The following TRMT6 variants were observed in gnomAD, a reference collection of about 807,000 sequenced individuals.
TRMT6 encodes tRNA (adenine(58)-N(1))-methyltransferase non-catalytic subunit TRM6.
In TRMT6, 34 loss-of-function variants were observed where a neutral mutation model predicts 59.0. The observed-to-expected ratio is 0.58, with a 90% confidence interval of 0.44 to 0.77. TRMT6 has a LOEUF of 0.77. TRMT6 is among the 30% of genes least tolerant of loss of function. The pLI is 0.00. For synonymous variants in TRMT6, 217 were observed against 210.5 expected, an observed-to-expected ratio of 1.03 and a Z score of -0.27; for missense variants, 575 against 604.5, an observed-to-expected ratio of 0.95 and a Z score of 0.51.
chr20:5,942,171 G>A (rs561564398), intron 7 of TRMT6, 135 bp from the exon 8 acceptor site: 8 of 850,986 alleles, frequency 9.4e-6, no homozygotes, highest in Non-Finnish European at 1.5e-5. Context: ...TGTTTATAAG[G>A]AAGTTGCAAA....
chr20:5,950,340 G>A lies in TRMT6; in HGVS notation c.66C>T (p.Asp22=). 6.2e-7 allele frequency: 1 copy of A among 1,613,158 alleles called. No homozygotes were observed. Among genetic ancestry groups the A allele is most frequent in the Non-Finnish European group, 8.5e-7 (1 of 1,179,964 alleles). ...PQHPGDHRIR[D]GDFVVLKRED... is the part of the protein sequence containing the mutation. ...CACGTTTCAGCACCACGAAGTCGCCGTCGCGGATGCGGTGGTCTCCGGGAT... is the reference window on the plus strand; with the variant it reads ...CACGTTTCAGCACCACGAAGTCGCCATCGCGGATGCGGTGGTCTCCGGGAT... The change falls in exon 1 of 11, where the codon GAC becomes GAT. Residue 22 remains aspartate (D), a synonymous_variant. Coordinates refer to ENST00000203001, the MANE Select transcript of TRMT6 (RefSeq NM_015939.5).
In TRMT6 at chr20:5,946,434, G is replaced by A. The variant is rs778165732; in HGVS notation, c.228C>T (p.Pro76=). 1 of 1,613,934 alleles carries A rather than the reference G, an allele frequency of 6.2e-7. No homozygotes were observed. The highest frequency in any genetic ancestry group is 1.1e-5 in the South Asian group (1 of 91,076). ...CAGTAGGCTCTTCCCTCTTCTTCTT[G>A]GGCTGTAGACTTCCTCCACTGGTCA... ...FEVTSGGSLQ[P]KKKREEPTAE... is the part of the protein sequence containing the mutation. Residue 76 remains proline, a synonymous_variant, in exon 2 of 11, where the codon CCC becomes CCT. Transcript: ENST00000203001.
intron 1 of TRMT6, among the ~76,000 whole-genome samples, chr20:5,947,918 G>GT (rs2088721605): frequency 1.3e-5 from 2 of 152,062 alleles, no homozygotes; most frequent in African/African-American, 2.4e-5. Context: ...AGGTGTAGTG[G>GT]CACACACCTG....
Position 5,943,690 on chromosome 20 carries a change from TA to T in TRMT6, c.543-8del. The T allele has an allele frequency of 6.2e-7, 1 of 1,609,294 alleles. No individual in the cohort carries two copies. The highest frequency in any genetic ancestry group is 8.5e-7 in the Non-Finnish European group (1 of 1,178,520). Reference sequence around the variant, plus strand: ...TGTATCGTATCTCATGTGGCTAAAGTAAAAACAATAATTTGTTCATTTTTAG... The same window carrying T: ...TGTATCGTATCTCATGTGGCTAAAGTAAAACAATAATTTGTTCATTTTTAG... On this transcript the variant is annotated splice_polypyrimidine_tract_variant and splice_region_variant and intron_variant, in intron 5 of 10. Coordinates refer to ENST00000203001, the MANE Select transcript of TRMT6 (RefSeq NM_015939.5).
chr20:5,947,334 C>T (rs1420386619), intron 1 of TRMT6, among the ~76,000 whole-genome samples: 3 of 152,222 alleles, frequency 2.0e-5, no homozygotes, highest in Non-Finnish European at 4.4e-5. Flanking sequence ...ACACTGAATT[C>T]TGGGAATCAT....
chr20:5,945,130 CCA>C (rs987974578), intron 2 of TRMT6, among the ~76,000 whole-genome samples: 4 of 152,198 alleles, frequency 2.6e-5, no homozygotes, highest in Non-Finnish European at 5.9e-5. Flanking sequence ...CACCTGGATG[CCA>C]GAGTGCTCTT....
At position 5,944,150 on chromosome 20, in the gene TRMT6, A is replaced by C; in HGVS notation, c.458+12T>G. 1 of 1,451,318 alleles carries C rather than the reference A, an allele frequency of 6.9e-7. No individual in the cohort carries two copies. The highest frequency in any genetic ancestry group is 9.3e-7 in the Non-Finnish European group (1 of 1,075,812). 89.9% of individuals were successfully genotyped at this position (1,451,318 alleles called of 1,614,324 possible). A position where few individuals can be genotyped will look rare whatever the true frequency, so the allele number is the denominator to read the frequency against. ...TTAATATTGTGGGCCTTTTAAAATAAAAACTACTTACTTTTTTTTCTTCTT... is the reference window on the plus strand; with the variant it reads ...TTAATATTGTGGGCCTTTTAAAATACAAACTACTTACTTTTTTTTCTTCTT... On this transcript the variant is annotated intron_variant, in intron 4 of 10. Coordinates refer to ENST00000203001, the MANE Select transcript of TRMT6 (RefSeq NM_015939.5).
rs1371114611 is a variant in TRMT6 at position 5,949,939 on chromosome 20, G to A, written c.128+339C>T. Among the ~76,000 whole-genome samples, 8 of 152,210 alleles carry A rather than the reference G, an allele frequency of 5.3e-5. No individual in the cohort carries two copies. In the East Asian group the frequency reaches 1.5e-3, roughly 29 times the overall value. On this transcript the variant is annotated intron_variant, in intron 1 of 10. Coordinates refer to ENST00000203001, the MANE Select transcript of TRMT6 (RefSeq NM_015939.5). Reference sequence around the variant, plus strand: ...AGGACAGGTGATTAGGGTGTGGAGAGGGAGGCATTGGCACCCTAGGGCCAA... The same window carrying A: ...AGGACAGGTGATTAGGGTGTGGAGAAGGAGGCATTGGCACCCTAGGGCCAA...
rs545528422 is a variant in TRMT6, at chr20:5,945,372, T to C, written c.257-458A>G. Among the ~76,000 whole-genome samples the C allele has an allele frequency of 2.6e-5, 4 of 152,348 alleles. No individual in the cohort carries two copies. The East Asian group carries it at 5.8e-4, about 22-fold the overall frequency. On this transcript the variant is annotated intron_variant, in intron 2 of 10. Coordinates refer to ENST00000203001, the MANE Select transcript of TRMT6 (RefSeq NM_015939.5). ...ACAGCAGGCTTTTGGCACCTGCTGC[T>C]TCCTCTGCCTGGAAGGTTCTACGAC...
rs372841400 is a variant in TRMT6 at position 5,950,265 on chromosome 20, C to T, written c.128+13G>A. On this transcript the variant is annotated intron_variant, in intron 1 of 10. Coordinates refer to ENST00000203001, the MANE Select transcript of TRMT6 (RefSeq NM_015939.5). ...GGGGGCGGGAGACCCCTAAAATCAG[C>T]GATCTGACTTACTTTCTCCGCTGGA... 3 of 1,593,090 alleles carry T rather than the reference C, an allele frequency of 1.9e-6. No individual in the cohort carries two copies. The highest frequency in any genetic ancestry group is 2.6e-6 in the Non-Finnish European group (3 of 1,165,358).
At chr20:5,946,300 T>C in intron 2 of TRMT6, 106 bp downstream of exon 2, 1 of 1,400,436 alleles carries the variant, frequency 7.1e-7, no homozygotes, top group Non-Finnish European at 9.9e-7. Context: ...TGAGTTAAGA[T>C]TTCTTTTGGG....
Position 5,938,855 on chromosome 20 carries a change from CTTTCT to C in TRMT6, c.1303-134_1303-130del, listed in dbSNP as rs1008121887. The C allele has an allele frequency of 3.2e-4, 257 of 804,230 alleles. 3 individuals carry two copies. The South Asian group carries it at 5.2e-3, about 16-fold the overall frequency. 49.8% of individuals were successfully genotyped at this position (804,230 alleles called of 1,614,324 possible). A position where few individuals can be genotyped will look rare whatever the true frequency, so the allele number is the denominator to read the frequency against. Reference sequence around the variant, plus strand: ...ATGATTTAAATGGACATTTTTTTTTCTTTCTTTTCTTTTCCCTCCCTCCCTCCCTC... The same window carrying C: ...ATGATTTAAATGGACATTTTTTTTTCTTTCTTTTCCCTCCCTCCCTCCCTC... On this transcript the variant is annotated intron_variant, in intron 10 of 10. Transcript: ENST00000203001.
chr20:5,949,618 A>G (rs1402646646), intron 1 of TRMT6, among the ~76,000 whole-genome samples: 1 of 152,230 alleles, frequency 6.6e-6, no homozygotes, highest in Non-Finnish European at 1.5e-5. Flanking sequence ...TTTGGTGAGT[A>G]AAACGAGGGA....
chr20:5,942,372 G>A (rs1276969816), intron 7 of TRMT6, 56 bp downstream of exon 7: 12 of 1,456,002 alleles, frequency 8.2e-6, no homozygotes, highest in Non-Finnish European at 1.1e-5. Flanking sequence ...TGACTTAACT[G>A]AAGTTAACTG....
chr20:5,944,607 A>G (rs2088688841), intron 3 of TRMT6, among the ~76,000 whole-genome samples, 198 bp downstream of exon 3: 1 of 152,244 alleles, frequency 6.6e-6, no homozygotes, highest in Non-Finnish European at 1.5e-5. Flanking sequence ...TGACATTAGT[A>G]ATGTCATTCA....
At chr20:5,939,849 A>C (rs1255228502) in intron 10 of TRMT6, among the ~76,000 whole-genome samples, 1 of 152,170 alleles carries the variant, frequency 6.6e-6, no homozygotes, top group Non-Finnish European at 1.5e-5. Context: ...CAGTATGGTA[A>C]GACACCAAGC....
At position 5,943,636 on chromosome 20, in the gene TRMT6, A is replaced by G. The variant is rs762857318; in HGVS notation, c.590T>C (p.Ile197Thr). 1.1e-5 allele frequency: 18 copies of G among 1,614,212 alleles called. No individual in the cohort carries two copies. The highest frequency in any genetic ancestry group is 1.6e-4 in the Middle Eastern group (1 of 6,062). Reference protein sequence around the residue: ...TLAQMLTLGNIRAGNKMIVME... With the variant: ...TLAQMLTLGNTRAGNKMIVME... ...CACAATCATTTTGTTGCCAGCACGG[A>G]TATTTCCCAACGTCAACATCTGGGC... The change falls in exon 6 of 11, where the codon ATC becomes ACC. Residue 197 changes from isoleucine to threonine, a missense_variant. Physicochemically the swap from Ile to Thr is moderately conservative, Grantham distance 89. Transcript: ENST00000203001.
chr20:5,940,456 A>G (rs980446884), intron 10 of TRMT6, among the ~76,000 whole-genome samples: 2 of 152,206 alleles, frequency 1.3e-5, no homozygotes, highest in Non-Finnish European at 1.5e-5. Flanking sequence ...AATAAGAACC[A>G]TAATGGTTTG....
At chr20:5,939,918 G>T (rs1461550356) in intron 10 of TRMT6, among the ~76,000 whole-genome samples, 1 of 152,166 alleles carries the variant, frequency 6.6e-6, no homozygotes, top group African/African-American at 2.4e-5. Context: ...CTTCATGAGG[G>T]AACAGCTGAG....
Sources: gnomAD v4.1 joint callset for allele counts (sites outside exome capture counted in the v4.1 genomes callset) on GRCh38, gnomAD v4.1.1 for gene constraint, MANE v1.5 for transcripts, NCBI Gene and HGNC (gene_info 2026-07-23, HGNC 2026-07-21) for gene names.